EFNB2: variants seen among roughly 807,000 people sequenced by gnomAD.
EFNB2 encodes ephrin B2.
In EFNB2, 5 loss-of-function variants were observed where a neutral mutation model predicts 32.1. That is an observed-to-expected ratio of 0.16 (90% CI 0.08 to 0.33). The LOEUF is 0.33. Among genes scored for constraint, EFNB2 ranks in the 10% least tolerant of loss-of-function variants. EFNB2 has a pLI of 1.00. For synonymous variants in EFNB2, 168 were observed against 166.5 expected, an observed-to-expected ratio of 1.01 and a Z score of -0.07; for missense variants, 263 against 422.6, an observed-to-expected ratio of 0.62 and a Z score of 3.31.
intron 1 of EFNB2, chr13:106,517,869 G>A (rs1203654159): frequency 6.6e-6 from 1 of 152,156 alleles, no homozygotes; most frequent in African/African-American, 2.4e-5. Context: ...ATTACCTATT[G>A]AACTTAAGCC....
chr13:106,515,252 A>T (rs912293172), intron 1 of EFNB2, among the ~76,000 whole-genome samples: 2 of 152,112 alleles, frequency 1.3e-5, no homozygotes, highest in African/African-American at 4.8e-5. Flanking sequence ...AAGTCATATA[A>T]ATCATTTAAT....
intron 2 of EFNB2, among the ~76,000 whole-genome samples, chr13:106,505,688 T>C (rs1878927140): frequency 6.6e-6 from 1 of 152,218 alleles, no homozygotes; most frequent in Admixed American, 6.5e-5. Context: ...GTTTAAAGGT[T>C]ATTAAGAAAG....
rs374482501 is a variant in EFNB2, at chr13:106,528,417, C to T, written c.122+6426G>A. 1.6e-4 allele frequency among the ~76,000 whole-genome samples: 24 copies of T among 151,660 alleles called. No individual in the cohort carries two copies. The South Asian group carries it at 5.0e-3, about 32-fold the overall frequency. The stretch of plus-strand genomic sequence containing the variant: ...ATTATAATATTGCTCATTTAATGAC[C>T]ATTTTTGTCAGACACAGAATCCAAG... On this transcript the variant is annotated intron_variant, in intron 1 of 4. Transcript: ENST00000646441.
intron 2 of EFNB2, among the ~76,000 whole-genome samples, chr13:106,503,412 C>T (rs1420958789): frequency 1.3e-5 from 2 of 152,124 alleles, no homozygotes; most frequent in Non-Finnish European, 2.9e-5. Flanking sequence ...AAGAGCCAGC[C>T]TTAGACACAC....
chr13:106,502,053 T>C (rs1878801745), intron 2 of EFNB2, among the ~76,000 whole-genome samples: 1 of 152,192 alleles, frequency 6.6e-6, no homozygotes, highest in Admixed American at 6.5e-5. Flanking sequence ...TGATGTAGGA[T>C]GTGTGAGTTT....
chr13:106,534,998 C>A lies in EFNB2; in HGVS notation c.-34G>T, dbSNP rs1422262217. ...CACTCCCAGCTCCGCGCACTCCGGG[C>A]CAAGAAGGGACTGACGGGACGCAGG... On this transcript the variant is annotated 5_prime_UTR_variant, in exon 1 of 5. Coordinates refer to ENST00000646441, the MANE Select transcript of EFNB2 (RefSeq NM_004093.4). 1 of 1,610,666 alleles carries A rather than the reference C, an allele frequency of 6.2e-7. No homozygotes were observed. The highest frequency in any genetic ancestry group is 8.5e-7 in the Non-Finnish European group (1 of 1,178,420).
At chr13:106,534,584 G>A (rs981522598) in intron 1 of EFNB2, among the ~76,000 whole-genome samples, 1 of 152,210 alleles carries the variant, frequency 6.6e-6, no homozygotes, top group Non-Finnish European at 1.5e-5. Flanking sequence ...CTTGACACCC[G>A]AGCCGATAGT....
intron 2 of EFNB2, among the ~76,000 whole-genome samples, chr13:106,506,985 G>A (rs1878974047): frequency 6.6e-6 from 1 of 152,140 alleles, no homozygotes; most frequent in Non-Finnish European, 1.5e-5. Context: ...TGGTGGTGGT[G>A]CTGTATCCCC....
At chr13:106,511,050 A>T (rs187025461) in intron 2 of EFNB2, among the ~76,000 whole-genome samples, 6 of 152,284 alleles carry the variant, frequency 3.9e-5, no homozygotes, top group African/African-American at 1.4e-4. Context: ...ATATAAATAC[A>T]TTGTTAGGCT....
At chr13:106,522,919 AAATT>A (rs2138936351) in intron 1 of EFNB2, among the ~76,000 whole-genome samples, 1 of 152,300 alleles carries the variant, frequency 6.6e-6, no homozygotes, top group South Asian at 2.1e-4. Flanking sequence ...AAGAATGAAC[AAATT>A]AATAAGGCAT....
rs1037877901 is a variant in EFNB2 at position 106,513,539 on chromosome 13, A to G, written c.123-727T>C. On this transcript the variant is annotated intron_variant, in intron 1 of 4. Transcript: ENST00000646441. ...CTTCCCTTGAGATGTATTTGCTCCA[A>G]TTAATTCTCAGAAGCAAATCTTTAG... Among the ~76,000 whole-genome samples the G allele has an allele frequency of 5.3e-5, 8 of 152,286 alleles. No individual in the cohort carries two copies. The East Asian group carries it at 1.5e-3, about 29-fold the overall frequency.
At chr13:106,529,773 T>C (rs984086255) in intron 1 of EFNB2, among the ~76,000 whole-genome samples, 2 of 152,252 alleles carry the variant, frequency 1.3e-5, no homozygotes, top group Admixed American at 1.3e-4. Flanking sequence ...TTTATTGCCA[T>C]ACAATCAGAT....
Position 106,491,861 on chromosome 13 carries a change from C to G in EFNB2, c.*1179G>C, listed in dbSNP as rs911743211. The stretch of plus-strand genomic sequence containing the variant: ...CTTTTAGGTCAGATTTGGCTCTCTG[C>G]TATTCTCCTAAATGCTTTCCCTGTG... On this transcript the variant is annotated 3_prime_UTR_variant, in exon 5 of 5. Transcript: ENST00000646441. 2.0e-5 allele frequency: 3 copies of G among 152,634 alleles called. No individual in the cohort carries two copies. The highest frequency in any genetic ancestry group is 2.9e-5 in the Non-Finnish European group (2 of 68,052). The allele number at this position is 152,634 out of a possible 1,614,324, so 9.5% of individuals were successfully genotyped here.
At chr13:106,494,833 G>T (rs1191098830) in intron 4 of EFNB2, 48 bp downstream of exon 4, 2 of 1,420,040 alleles carry the variant, frequency 1.4e-6, no homozygotes, top group Non-Finnish European at 1.0e-6. Flanking sequence ...ATACTACTAA[G>T]AATGTGGTAC....
At chr13:106,512,381 G>GA (rs199572217) in intron 2 of EFNB2, 148 bp downstream of exon 2, 6,588 of 323,520 alleles carry the variant, frequency 0.02, 2 homozygotes, top group Middle Eastern at 0.038. Flanking sequence ...AGTTTTCTTT[G>GA]AAAAAAAAAA....
At chr13:106,525,663 C>T (rs555888887) in intron 1 of EFNB2, among the ~76,000 whole-genome samples, 107 of 152,294 alleles carry the variant, frequency 7.0e-4, no homozygotes, top group African/African-American at 2.4e-3. Flanking sequence ...AGGCTGTTTC[C>T]GGACCCCTCC....
At chr13:106,520,730 A>C (rs1481047437) in intron 1 of EFNB2, 1 of 152,072 alleles carries the variant, frequency 6.6e-6, no homozygotes, top group African/African-American at 2.4e-5. Flanking sequence ...GGGCCTACGA[A>C]AGACACAGGC....
chr13:106,527,244 T>C (rs751367450), intron 1 of EFNB2, among the ~76,000 whole-genome samples: 2 of 151,444 alleles, frequency 1.3e-5, no homozygotes, highest in Non-Finnish European at 2.9e-5. Context: ...ATTGAGAAAA[T>C]AAATTAGTAA....
chr13:106,533,061 G>T (rs1879933506), intron 1 of EFNB2, among the ~76,000 whole-genome samples: 1 of 151,108 alleles, frequency 6.6e-6, no homozygotes, highest in Non-Finnish European at 1.5e-5. Context: ...TAACGGAATT[G>T]CTTTCAACTA....
Sources: gnomAD v4.1 joint callset for allele counts (sites outside exome capture counted in the v4.1 genomes callset) on GRCh38, gnomAD v4.1.1 for gene constraint, MANE v1.5 for transcripts, NCBI Gene and HGNC (gene_info 2026-07-23, HGNC 2026-07-21) for gene names.